TRPM3: variants seen among roughly 807,000 people sequenced by gnomAD.
TRPM3 encodes long transient receptor potential channel 3.
A neutral mutation model predicts 181.2 loss-of-function variants in TRPM3; 77 were observed. That is an observed-to-expected ratio of 0.42 (90% confidence interval 0.35 to 0.51). The LOEUF (loss-of-function observed/expected upper bound fraction) is 0.51. TRPM3 is among the 20% of genes least tolerant of loss of function. The pLI, the probability that TRPM3 is intolerant of heterozygous loss-of-function variation, is 0.01. For synonymous variants in TRPM3, 745 were observed against 796.4 expected (o/e 0.94, Z 1.09); for missense variants, 1,759 against 2,196.7 (o/e 0.80, Z 3.98).
chr9:70,843,186 C>A, intron 4 of TRPM3, 59 bp from the exon 5 acceptor site: 1 of 1,538,456 alleles, frequency 6.5e-7, no homozygotes, highest in East Asian at 2.3e-5. Context: ...TTTCATCATT[C>A]TAAAGAAAAC....
chr9:71,358,970 G>A (rs141068758), intron 1 of TRPM3, among the ~76,000 whole-genome samples: 13 of 152,218 alleles, frequency 8.5e-5, no homozygotes, highest in Non-Finnish European at 1.2e-4. Flanking sequence ...GGTTCTTTAC[G>A]CATCAAAATA....
At chr9:70,917,570 T>TTTTTTTTTTTTTTTTTTTTTTTTTTG in intron 1 of TRPM3, 5 of 594,820 alleles carry the variant, frequency 8.4e-6, no homozygotes, top group South Asian at 2.1e-5. Context: ...TAAGTTGTTA[T>TTTTTTTTTTTTTTTTTTTTTTTTTTG]ATCAACTTAA....
chr9:71,239,595 G>C (rs10120526), intron 1 of TRPM3, among the ~76,000 whole-genome samples: 7,605 of 152,058 alleles, frequency 0.05, 206 homozygotes, highest in East Asian at 0.12. Context: ...AAAGTCATGA[G>C]CCAAAACAGG....
chr9:71,012,949 C>T (rs1021788049), intron 1 of TRPM3, among the ~76,000 whole-genome samples: 1 of 152,058 alleles, frequency 6.6e-6, no homozygotes, highest in Admixed American at 6.6e-5. Flanking sequence ...GCCATTCTTG[C>T]CTTGTTCCCA....
intron 1 of TRPM3, among the ~76,000 whole-genome samples, chr9:71,306,829 C>T (rs1467764869): frequency 2.6e-5 from 4 of 152,158 alleles, no homozygotes; most frequent in South Asian, 2.1e-4. Flanking sequence ...GCCGAGATCG[C>T]GCCACTGCAC....
chr9:71,267,076 A>G (rs2083442753), intron 1 of TRPM3, among the ~76,000 whole-genome samples: 1 of 152,112 alleles, frequency 6.6e-6, no homozygotes, highest in Admixed American at 6.6e-5. Context: ...AAATTCATGG[A>G]GAGTCCCGAG....
chr9:70,859,147 A>G (rs376932649), intron 3 of TRPM3, among the ~76,000 whole-genome samples: 12 of 152,014 alleles, frequency 7.9e-5, no homozygotes, highest in African/African-American at 2.9e-4. Context: ...ATCGGAAGGG[A>G]GGATTGATTT....
intron 9 of TRPM3, among the ~76,000 whole-genome samples, chr9:70,665,642 C>T (rs1038827889): frequency 1.3e-5 from 2 of 152,114 alleles, no homozygotes; most frequent in African/African-American, 2.4e-5. Flanking sequence ...AGCTGAGAAA[C>T]ATGTTACTAA....
chr9:71,034,781 G>A (rs2057986436), intron 1 of TRPM3, among the ~76,000 whole-genome samples: 1 of 151,398 alleles, frequency 6.6e-6, no homozygotes, highest in African/African-American at 2.4e-5. Context: ...AGAGATGTTG[G>A]GTTGTTGAAT....
At chr9:71,351,560 T>A (rs570418707) in intron 1 of TRPM3, among the ~76,000 whole-genome samples, 1 of 152,220 alleles carries the variant, frequency 6.6e-6, no homozygotes, top group African/African-American at 2.4e-5. Context: ...TAAATCATTG[T>A]CTTTTTAAAC....
chr9:71,077,833 A>G (rs906881135), intron 1 of TRPM3, among the ~76,000 whole-genome samples: 5 of 151,980 alleles, frequency 3.3e-5, no homozygotes, highest in African/African-American at 4.8e-5. Flanking sequence ...GCTAGATTCT[A>G]TGTAAATCAG....
chr9:70,655,801 T>G (rs1015085885), intron 9 of TRPM3, among the ~76,000 whole-genome samples: 1 of 152,180 alleles, frequency 6.6e-6, no homozygotes, highest in Non-Finnish European at 1.5e-5. Flanking sequence ...GATAACTGCT[T>G]AGGTTACTGA....
At chr9:70,545,640 G>A (rs532094771) in intron 25 of TRPM3, among the ~76,000 whole-genome samples, 20 of 133,552 alleles carry the variant, frequency 1.5e-4, no homozygotes, top group African/African-American at 4.2e-4. Context: ...TCCACCTCCC[G>A]GGTTCAAGCG....
At chr9:70,772,955 T>A (rs1266162269) in intron 7 of TRPM3, among the ~76,000 whole-genome samples, 2 of 151,828 alleles carry the variant, frequency 1.3e-5, no homozygotes, top group East Asian at 3.9e-4. Context: ...AAAGTCAAAT[T>A]TTTTTTATTG....
At chr9:71,274,451 C>T (rs758257668) in intron 1 of TRPM3, among the ~76,000 whole-genome samples, 4 of 152,090 alleles carry the variant, frequency 2.6e-5, no homozygotes, top group Non-Finnish European at 4.4e-5. Flanking sequence ...AAAAGCATAC[C>T]GGGCCACTTA....
upstream of TRPM3, among the ~76,000 whole-genome samples, chr9:71,122,331 C>T (rs551586835): frequency 6.6e-6 from 1 of 152,154 alleles, no homozygotes; most frequent in African/African-American, 2.4e-5. Flanking sequence ...AATTAAAGGA[C>T]AGTTTTTCAA....
chr9:71,178,086 A>G (rs1357668446), intron 1 of TRPM3, among the ~76,000 whole-genome samples: 3 of 152,096 alleles, frequency 2.0e-5, no homozygotes, highest in Non-Finnish European at 4.4e-5. Flanking sequence ...GATTTTTATC[A>G]TACAGTACAC....
At position 70,833,530 on chromosome 9, in the gene TRPM3, G is replaced by A. The variant is rs549282337; in HGVS notation, c.802-5512C>T. Among the ~76,000 whole-genome samples the A allele has an allele frequency of 6.6e-5, 10 of 152,188 alleles. No individual in the cohort carries two copies. In the East Asian group the frequency reaches 1.4e-3, roughly 21 times the overall value. ...ATTTCCCAAGGATTAACCCATTGAC[G>A]GCATACTTTATAGGTGGGAAGAATT... On this transcript the variant is annotated intron_variant, in intron 5 of 25. Transcript: ENST00000677713.
intron 1 of TRPM3, among the ~76,000 whole-genome samples, chr9:70,932,809 T>G (rs2096788306): frequency 6.6e-6 from 1 of 152,132 alleles, no homozygotes; most frequent in Non-Finnish European, 1.5e-5. Flanking sequence ...GCTTTTTTTG[T>G]GGTGGAAAGT....
Sources: allele counts gnomAD v4.1 joint callset (sites outside exome capture counted in the v4.1 genomes callset), GRCh38; gene constraint gnomAD v4.1.1; transcripts MANE v1.5; gene names NCBI Gene and HGNC (gene_info 2026-07-23, HGNC 2026-07-21).